The following TANC2 variants were observed in gnomAD, a reference collection of about 807,000 sequenced individuals.
The protein encoded by TANC2 is tetratricopeptide repeat, ankyrin repeat and coiled-coil containing 2, also known as protein TANC2.
TANC2 carries 26 observed loss-of-function variants against 210.5 expected under a neutral mutation model. The observed-to-expected ratio is 0.12, with a 90% CI of 0.09 to 0.17. The LOEUF is 0.17. TANC2 is among the 10% of genes least tolerant of loss of function. The pLI, the probability that TANC2 is intolerant of heterozygous loss-of-function variation, is 1.00. For missense variants in TANC2, 2,129 were observed against 2,608.9 expected, an observed-to-expected ratio of 0.82 and a Z score of 4.01; for synonymous variants, 931 against 967.1, an observed-to-expected ratio of 0.96 and a Z score of 0.69.
At chr17:63,061,454 G>A (rs1337739857) in intron 2 of TANC2, among the ~76,000 whole-genome samples, 2 of 152,074 alleles carry the variant, frequency 1.3e-5, no homozygotes, top group Non-Finnish European at 2.9e-5. Flanking sequence ...TTTAAATCCA[G>A]TAATTTTAGT....
At chr17:63,330,196 T>C (rs1237035154) in intron 11 of TANC2, among the ~76,000 whole-genome samples, 4 of 152,002 alleles carry the variant, frequency 2.6e-5, no homozygotes, top group East Asian at 3.9e-4. Flanking sequence ...CTGAGAGAGG[T>C]GAGGAAGCTT....
At chr17:63,062,919 CTACT>C (rs1475382072) in intron 2 of TANC2, among the ~76,000 whole-genome samples, 2 of 152,178 alleles carry the variant, frequency 1.3e-5, no homozygotes, top group African/African-American at 2.4e-5. Flanking sequence ...TCAATTCTGG[CTACT>C]TAGAGTTTAG....
chr17:63,346,725 A>G (rs986435139), intron 12 of TANC2, among the ~76,000 whole-genome samples: 2 of 152,114 alleles, frequency 1.3e-5, no homozygotes, highest in African/African-American at 4.8e-5. Flanking sequence ...TTTTTTTGAG[A>G]CAAGGTCTCT....
chr17:63,019,477 C>A (rs1325799389), intron 2 of TANC2, among the ~76,000 whole-genome samples: 1 of 152,098 alleles, frequency 6.6e-6, no homozygotes, highest in Non-Finnish European at 1.5e-5. Flanking sequence ...TTTGGCCTCC[C>A]GAAGTGCTGG....
intron 2 of TANC2, among the ~76,000 whole-genome samples, chr17:63,045,189 T>C (rs1461035535): frequency 5.3e-5 from 8 of 152,254 alleles, no homozygotes; most frequent in Non-Finnish European, 1.2e-4. Flanking sequence ...TGCCTGCTTT[T>C]GCACCACAAT....
chr17:63,372,792 T>C (rs2047309665), intron 14 of TANC2, among the ~76,000 whole-genome samples: 1 of 152,068 alleles, frequency 6.6e-6, no homozygotes. Flanking sequence ...GGTGATATTA[T>C]ATAAGCTATG....
chr17:63,132,191 C>G (rs758901954), intron 4 of TANC2, among the ~76,000 whole-genome samples: 1 of 151,930 alleles, frequency 6.6e-6, no homozygotes, highest in African/African-American at 2.4e-5. Flanking sequence ...GCTTCCATTC[C>G]TCTTTACAAT....
In TANC2 at chr17:63,029,365, T is replaced by C. The variant is rs529230208; in HGVS notation, c.67+19739T>C. On this transcript the variant is annotated intron_variant, in intron 2 of 27. Coordinates refer to ENST00000689528, the Ensembl canonical transcript of TANC2. ...AAGAGTGTTACTTGGAACAGAAATA[T>C]CTCTTATCCATTTTGTATCCTTGGT... 3.3e-5 allele frequency among the ~76,000 whole-genome samples: 5 copies of C among 152,248 alleles called. No homozygotes were observed. In the South Asian group the frequency reaches 1.0e-3, roughly 32 times the overall value.
At chr17:63,259,541 C>G (rs138715425) in intron 8 of TANC2, among the ~76,000 whole-genome samples, 113 of 152,246 alleles carry the variant, frequency 7.4e-4, no homozygotes, top group Middle Eastern at 3.4e-3. Flanking sequence ...GCTTTTTTCC[C>G]TTAATACAGC....
chr17:63,395,017 G>A (rs932046517), intron 17 of TANC2, among the ~76,000 whole-genome samples: 2 of 152,200 alleles, frequency 1.3e-5, no homozygotes, highest in African/African-American at 4.8e-5. Context: ...AACTACCGCA[G>A]GACAAGTACC....
chr17:63,001,748 A>G (rs916824949), intron 1 of TANC2, among the ~76,000 whole-genome samples: 3 of 151,958 alleles, frequency 2.0e-5, no homozygotes, highest in African/African-American at 7.2e-5. Flanking sequence ...GGGTTTCACC[A>G]CATTGGCCAG....
intron 3 of TANC2, among the ~76,000 whole-genome samples, chr17:63,075,534 TA>T (rs2036539927): frequency 6.7e-6 from 1 of 148,584 alleles, no homozygotes; most frequent in African/African-American, 2.6e-5. Context: ...AAGAAATATA[TA>T]TATTTTTTTA....
intron 5 of TANC2, among the ~76,000 whole-genome samples, chr17:63,193,236 G>A (rs1315705951): frequency 6.6e-6 from 1 of 152,116 alleles, no homozygotes; most frequent in Non-Finnish European, 1.5e-5. Context: ...TTGCCTCTGG[G>A]AGGATAATAG....
chr17:63,285,964 A>C (rs1398365122), intron 9 of TANC2, among the ~76,000 whole-genome samples: 3 of 152,136 alleles, frequency 2.0e-5, no homozygotes, highest in Non-Finnish European at 2.9e-5. Context: ...CCAAGAGTCA[A>C]CCTTGTAAGC....
At chr17:63,042,891 T>G (rs1227679999) in intron 2 of TANC2, among the ~76,000 whole-genome samples, 3 of 152,008 alleles carry the variant, frequency 2.0e-5, no homozygotes, top group Admixed American at 6.6e-5. Flanking sequence ...TAGCCTACAT[T>G]AAGGATGGAA....
At chr17:63,375,264 A>G (rs2047389545) in intron 14 of TANC2, among the ~76,000 whole-genome samples, 1 of 152,236 alleles carries the variant, frequency 6.6e-6, no homozygotes, top group African/African-American at 2.4e-5. Flanking sequence ...ATTCAAAAAG[A>G]AATGAACTAT....
chr17:63,042,279 T>A lies in TANC2; in HGVS notation c.68-31664T>A, dbSNP rs531102801. Among the ~76,000 whole-genome samples, 3 of 152,146 alleles carry A rather than the reference T, an allele frequency of 2.0e-5. No individual in the cohort carries two copies. The East Asian group carries it at 5.8e-4, about 29-fold the overall frequency. On this transcript the variant is annotated intron_variant, in intron 2 of 27. Transcript: ENST00000689528. ...GCATTTACATTAAAAGAATGAATAA[T>A]ATTGAAAGGAAGTAAAGCATCATAA...
chr17:63,381,161 C>T (rs886776757), intron 15 of TANC2: 7 of 152,204 alleles, frequency 4.6e-5, no homozygotes, highest in Non-Finnish European at 1.0e-4. Flanking sequence ...AGAGAAGTAG[C>T]ATGAAGCTTC....
chr17:63,061,393 C>T (rs1378037649), intron 2 of TANC2, among the ~76,000 whole-genome samples: 1 of 151,898 alleles, frequency 6.6e-6, no homozygotes, highest in Non-Finnish European at 1.5e-5. Context: ...AAAAAACAAA[C>T]AAAAAGATTA....
Sources: allele counts gnomAD v4.1 joint callset (sites outside exome capture counted in the v4.1 genomes callset), GRCh38; gene constraint gnomAD v4.1.1; transcripts MANE v1.5; gene names NCBI Gene and HGNC (gene_info 2026-07-23, HGNC 2026-07-21).